The following DNAH7 variants were observed in gnomAD, a reference collection of about 807,000 sequenced individuals.
DNAH7 encodes the protein axonemal beta dynein heavy chain 7.
Under a neutral mutation model 444.6 loss-of-function variants are expected in DNAH7, and 397 were observed. That is an observed-to-expected ratio of 0.89 (90% CI 0.82 to 0.97). The LOEUF (loss-of-function observed/expected upper bound fraction) is 0.97. Among genes scored for constraint, DNAH7 ranks in the 50% least tolerant of loss-of-function variants. The pLI, the probability that DNAH7 is intolerant of heterozygous loss-of-function variation, is 0.00. For synonymous variants in DNAH7, 1,636 were observed against 1,624.4 expected, an observed-to-expected ratio of 1.01 and a Z score of -0.17; for missense variants, 4,902 against 4,800.8, an observed-to-expected ratio of 1.02 and a Z score of -0.62.
At chr2:195,986,988 A>G (rs967634757) in intron 14 of DNAH7, 78 bp downstream of exon 14, 6 of 1,284,768 alleles carry the variant, frequency 4.7e-6, no homozygotes, top group Non-Finnish European at 5.2e-6. Flanking sequence ...GCTTTAATCA[A>G]TTACTCTAGT....
chr2:195,753,441 C>A (rs1001320454), intron 63 of DNAH7, among the ~76,000 whole-genome samples: 2 of 152,160 alleles, frequency 1.3e-5, no homozygotes, highest in Admixed American at 6.5e-5. Context: ...GATTACATAT[C>A]TACTTGTTAG....
chr2:195,922,252 AT>A, intron 23 of DNAH7, 55 bp from the exon 24 acceptor site: 1 of 1,058,724 alleles, frequency 9.4e-7, no homozygotes, highest in Non-Finnish European at 1.4e-6. Flanking sequence ...ATAATATGAA[AT>A]CTCAAGCTCT....
chr2:195,782,700 G>C (rs954823202), intron 58 of DNAH7, among the ~76,000 whole-genome samples: 1 of 152,012 alleles, frequency 6.6e-6, no homozygotes, highest in Non-Finnish European at 1.5e-5. Context: ...AATCCAACAG[G>C]CACTTAATTT....
At chr2:196,021,406 C>T (rs902745876) in intron 8 of DNAH7, among the ~76,000 whole-genome samples, 1 of 152,084 alleles carries the variant, frequency 6.6e-6, no homozygotes, top group Non-Finnish European at 1.5e-5. Flanking sequence ...AAGACCACCC[C>T]CATAAGGCAA....
At position 195,835,641 on chromosome 2, in the gene DNAH7, C is replaced by T. The variant is rs201541000; in HGVS notation, c.8946-1281G>A. 5.9e-5 allele frequency among the ~76,000 whole-genome samples: 9 copies of T among 152,096 alleles called. No individual in the cohort carries two copies. In the East Asian group the frequency reaches 7.8e-4, roughly 13 times the overall value. On this transcript the variant is annotated intron_variant, in intron 47 of 64. Coordinates refer to ENST00000312428, the MANE Select transcript of DNAH7 (RefSeq NM_018897.3). ...TAGGCGGATCATGGGGTCAGGAGAT[C>T]GAGACCATCCTGGCCAACATGGTGA...
chr2:195,868,392 A>G (rs189615102), intron 40 of DNAH7, among the ~76,000 whole-genome samples: 66 of 151,824 alleles, frequency 4.3e-4, no homozygotes, highest in African/African-American at 1.5e-3. Context: ...CCTATTATTC[A>G]TCTTTTTTAT....
intron 27 of DNAH7, chr2:195,904,472 T>C (rs1027812833): frequency 3.3e-5 from 5 of 151,928 alleles, no homozygotes; most frequent in African/African-American, 1.2e-4. Flanking sequence ...TGCAACTGAG[T>C]CCTTATGCCA....
At chr2:195,992,680 T>C (rs1170435571) in intron 12 of DNAH7, among the ~76,000 whole-genome samples, 1 of 152,182 alleles carries the variant, frequency 6.6e-6, no homozygotes, top group Non-Finnish European at 1.5e-5. Context: ...CAGTCCTTAG[T>C]ATCCAAAAAA....
Position 195,934,653 on chromosome 2 carries a change from T to TGG in DNAH7, c.3407_3408dup (p.Arg1137ProfsTer12). ...ACCAACCACTTCTCCACTTGACCTC[T>TGG]GGCTTTGGCTGTTGAAATAATCTCT... On this transcript the variant is annotated frameshift_variant, in exon 21 of 65. Coordinates refer to ENST00000312428, the MANE Select transcript of DNAH7 (RefSeq NM_018897.3). LOFTEE classifies it high-confidence loss of function. 6.2e-7 allele frequency: 1 copy of TGG among 1,614,146 alleles called. No individual in the cohort carries two copies. Among genetic ancestry groups the TGG allele is most frequent in the Non-Finnish European group, 8.5e-7 (1 of 1,179,988 alleles).
At position 195,864,368 on chromosome 2, in the gene DNAH7, C is replaced by T. The variant is rs1456047546; in HGVS notation, c.7287G>A (p.Glu2429=). 7 of 1,614,148 alleles carry T rather than the reference C, an allele frequency of 4.3e-6. No individual in the cohort carries two copies. The highest frequency in any genetic ancestry group is 3.3e-4 in the Middle Eastern group (2 of 6,062). ...GCATCTTATCACATATCTCTTGCTTCTCATCTAATGCAAAGAGATTTGGAA... is the reference window on the plus strand; with the variant it reads ...GCATCTTATCACATATCTCTTGCTTTTCATCTAATGCAAAGAGATTTGGAA... The part of the protein sequence containing the change: ...GEIPNLFALD[E]KQEICDKMRQ... The change falls in exon 41 of 65, where the codon GAG becomes GAA. Residue 2429 remains glutamate (E), a synonymous_variant. Transcript: ENST00000312428.
At chr2:195,980,846 G>A (rs1204745187) in intron 15 of DNAH7, among the ~76,000 whole-genome samples, 1 of 150,248 alleles carries the variant, frequency 6.7e-6, no homozygotes, top group African/African-American at 2.4e-5. Flanking sequence ...ATTGTGCACA[G>A]GAGGACACAA....
At chr2:195,831,721 T>G (rs1698080943) in intron 48 of DNAH7, among the ~76,000 whole-genome samples, 1 of 152,180 alleles carries the variant, frequency 6.6e-6, no homozygotes, top group African/African-American at 2.4e-5. Context: ...ATCTTGCTTG[T>G]GTAACACAGT....
At chr2:195,760,550 C>A (rs1274133919) in intron 61 of DNAH7, among the ~76,000 whole-genome samples, 1 of 152,010 alleles carries the variant, frequency 6.6e-6, no homozygotes, top group African/African-American at 2.4e-5. Flanking sequence ...GTCACCCCTC[C>A]TCCAGCTTCA....
intron 24 of DNAH7, among the ~76,000 whole-genome samples, chr2:195,920,820 T>G (rs751017796): frequency 2.0e-5 from 3 of 152,152 alleles, no homozygotes; most frequent in Non-Finnish European, 2.9e-5. Context: ...AAACTATGCA[T>G]CTGACAAAGA....
In DNAH7 at chr2:195,895,126, C is replaced by CA; in HGVS notation, c.4745dup (p.Leu1582PhefsTer16). The CA allele has an allele frequency of 6.2e-7, 1 of 1,613,702 alleles. No individual in the cohort carries two copies. The highest frequency in any genetic ancestry group is 1.3e-5 in the African/African-American group (1 of 75,008). ...TCTCGGAAAAGAATGCAGTCATTTG[C>CA]AAATTCATGGAGGCACAATTGTCTT... On this transcript the variant is annotated frameshift_variant, in exon 30 of 65. Transcript: ENST00000312428. LOFTEE classifies it high-confidence loss of function.
At chr2:195,800,762 T>C (rs1696407801) in intron 54 of DNAH7, among the ~76,000 whole-genome samples, 1 of 152,090 alleles carries the variant, frequency 6.6e-6, no homozygotes, top group African/African-American at 2.4e-5. Flanking sequence ...AGCTATTCTA[T>C]TTTCCTGGAA....
chr2:195,900,301 G>T lies in DNAH7; in HGVS notation c.4529C>A (p.Thr1510Asn). 6.2e-7 allele frequency: 1 copy of T among 1,613,968 alleles called. No individual in the cohort carries two copies. The highest frequency in any genetic ancestry group is 8.5e-7 in the Non-Finnish European group (1 of 1,179,874). Residue 1510 changes from threonine to asparagine, a missense_variant, in exon 28 of 65, where the codon ACT becomes AAT. Coordinates refer to ENST00000312428, the MANE Select transcript of DNAH7 (RefSeq NM_018897.3). ...YGMRAVKSVLTAAGNLKLKYP... is the reference protein window; with the variant it reads ...YGMRAVKSVLNAAGNLKLKYP... Reference sequence around the variant, plus strand: ...CTCTACCTTCAGATTCCCAGCAGCAGTAAGAACTGACTTCACGGCTCTCAT... The same window carrying T: ...CTCTACCTTCAGATTCCCAGCAGCATTAAGAACTGACTTCACGGCTCTCAT...
chr2:195,932,571 TTGA>T (rs1688771439), intron 21 of DNAH7, among the ~76,000 whole-genome samples: 1 of 152,158 alleles, frequency 6.6e-6, no homozygotes, highest in Non-Finnish European at 1.5e-5. Context: ...AGAGCTCTTA[TTGA>T]TGGGATGATA....
At chr2:195,762,953 CAT>C (rs955443715) in intron 61 of DNAH7, among the ~76,000 whole-genome samples, 35 of 152,070 alleles carry the variant, frequency 2.3e-4, no homozygotes, top group African/African-American at 7.2e-4. Flanking sequence ...GGATCGTTCA[CAT>C]GTTAGGCCAC....
Sources: allele counts gnomAD v4.1 joint callset (sites outside exome capture counted in the v4.1 genomes callset), GRCh38; gene constraint gnomAD v4.1.1; transcripts MANE v1.5; gene names NCBI Gene and HGNC (gene_info 2026-07-23, HGNC 2026-07-21).